INSC: variants seen among roughly 807,000 people sequenced by gnomAD.
INSC encodes the protein protein inscuteable homolog.
INSC carries 67 observed loss-of-function variants against 58.6 expected under a neutral mutation model. That is an observed-to-expected ratio of 1.14 (90% CI 0.94 to 1.40). INSC has a LOEUF of 1.40. INSC is among the 40% of genes most tolerant of loss of function. The probability of loss-of-function intolerance (pLI) is 0.00; values close to 1 mark genes in which losing one functional copy is unlikely to be tolerated. For missense variants in INSC, 714 were observed against 692.0 expected, an observed-to-expected ratio of 1.03 and a Z score of -0.36; for synonymous variants, 262 against 276.1, an observed-to-expected ratio of 0.95 and a Z score of 0.51.
At chr11:15,224,328 G>GTGTT (rs1851550950) in intron 8 of INSC, among the ~76,000 whole-genome samples, 1 of 152,178 alleles carries the variant, frequency 6.6e-6, no homozygotes, top group African/African-American at 2.4e-5. Flanking sequence ...CCCACTGCAG[G>GTGTT]TGTTTGACTA....
chr11:15,145,087 G>A (rs1848460512), intron 1 of INSC, among the ~76,000 whole-genome samples: 2 of 152,178 alleles, frequency 1.3e-5, no homozygotes. Context: ...CCTGGGAAAA[G>A]CAGCAACTCT....
At chr11:15,133,968 A>C (rs754591829) in intron 1 of INSC, among the ~76,000 whole-genome samples, 1 of 152,168 alleles carries the variant, frequency 6.6e-6, no homozygotes. Context: ...TTAATTGTCA[A>C]TTAAAAAGCA....
rs199756406 is a variant in INSC, at chr11:15,176,062, G to A, written c.378G>A (p.Arg126=). 2 of 1,536,544 alleles carry A rather than the reference G, an allele frequency of 1.3e-6. No homozygotes were observed. ...SMVSEYSAVS[R]NSLKEMGEIE... is the part of the protein sequence containing the mutation. ...TCAGCGAGTACAGTGCTGTCAGCAG[G>A]AACTCCTTGAAGGAAATGGGCGAGG... The change falls in exon 3 of 13, where the codon AGG becomes AGA. Residue 126 remains arginine, a synonymous_variant. Transcript: ENST00000379556.
chr11:15,259,480 C>T, the INSC span, among the ~76,000 whole-genome samples: 3,422 of 152,204 alleles, frequency 0.022, 72 homozygotes, highest in Non-Finnish European at 0.035. Flanking sequence ...TCTTTTACTC[C>T]ATACTCTCCT....
At position 15,218,604 on chromosome 11, in the gene INSC, G is replaced by A. The variant is rs79278759; in HGVS notation, c.820-2873G>A. On this transcript the variant is annotated intron_variant, in intron 7 of 12. Transcript: ENST00000379556. ...CATATATATATTTCCCTTTTGAAGG[G>A]ATAATTAATGAGTTACCAAAAGAGA... is the stretch of plus-strand genomic sequence containing the variant. Among the ~76,000 whole-genome samples, 2,421 of 151,924 alleles carry A rather than the reference G, an allele frequency of 0.016. 150 individuals carry two copies. The East Asian group carries it at 0.2, about 12-fold the overall frequency.
Position 15,190,972 on chromosome 11 carries a change from G to A in INSC, c.693+158G>A, listed in dbSNP as rs1850148275. ...TCACTTATCCTATCTGGGACTTGGT[G>A]TGTGCATTTTTTTTTTTTTTTTTTT... On this transcript the variant is annotated intron_variant, in intron 6 of 12. Coordinates refer to ENST00000379556, the MANE Select transcript of INSC (RefSeq NM_001042536.3). 2.7e-5 allele frequency among the ~76,000 whole-genome samples: 4 copies of A among 150,460 alleles called. No individual in the cohort carries two copies. In the South Asian group the frequency reaches 8.4e-4, roughly 32 times the overall value.
At chr11:15,195,294 C>G (rs1850327257) in intron 6 of INSC, among the ~76,000 whole-genome samples, 2 of 152,150 alleles carry the variant, frequency 1.3e-5, no homozygotes, top group Admixed American at 1.3e-4. Flanking sequence ...TCTTTTGGAA[C>G]AATTACCATT....
intron 1 of INSC, among the ~76,000 whole-genome samples, chr11:15,146,660 G>A (rs944526090): frequency 6.6e-6 from 1 of 152,200 alleles, no homozygotes; most frequent in Non-Finnish European, 1.5e-5. Context: ...AAAAGAAGTC[G>A]ATTGTTTTGC....
At chr11:15,218,967 C>T (rs954690134) in intron 7 of INSC, among the ~76,000 whole-genome samples, 1 of 152,174 alleles carries the variant, frequency 6.6e-6, no homozygotes, top group Non-Finnish European at 1.5e-5. Flanking sequence ...CTACTACATG[C>T]CAGACCTTGA....
chr11:15,143,095 A>G (rs998079389), intron 1 of INSC, among the ~76,000 whole-genome samples: 8 of 152,196 alleles, frequency 5.3e-5, no homozygotes, highest in Non-Finnish European at 1.2e-4. Flanking sequence ...TATTATGCAC[A>G]AGCCTATGTC....
Position 15,240,516 on chromosome 11 carries a change from C to T in INSC, c.1463C>T (p.Ala488Val). ...AACAGCAGTGACGCCGTGCTTGTGG[C>T]CTGCCTGGTGAGTTCTCAGTCTTCC... ...ERNSSDAVLV[A>V]CLAALRRLAG... Residue 488 changes from alanine to valine, a missense_variant, in exon 12 of 13, where the codon GCC (alanine) becomes GTC (valine). Transcript: ENST00000379556. The T allele has an allele frequency of 6.2e-7, 1 of 1,613,166 alleles. No individual in the cohort carries two copies. The highest frequency in any genetic ancestry group is 8.5e-7 in the Non-Finnish European group (1 of 1,179,600).
Position 15,175,859 on chromosome 11 carries a change from C to T in INSC, c.175C>T (p.Gln59Ter), listed in dbSNP as rs1849553360. 6.2e-7 allele frequency: 1 copy of T among 1,614,022 alleles called. No individual in the cohort carries two copies. The highest frequency in any genetic ancestry group is 1.3e-5 in the African/African-American group (1 of 75,056). Reference sequence around the variant, plus strand: ...GCCCATCAGCCTGGAAGAGGATGCACAGGGTGACCTCATCCTGGCAGGTGG... The same window carrying T: ...GCCCATCAGCCTGGAAGAGGATGCATAGGGTGACCTCATCCTGGCAGGTGG... Reference protein sequence around the residue: ...AKPISLEEDAQGDLILAGGPG... With the variant: ...AKPISLEEDA Residue 59 changes from glutamine (Q) to a stop codon, truncating the protein, a stop_gained, in exon 3 of 13, where the codon CAG becomes TAG. Coordinates refer to ENST00000379556, the MANE Select transcript of INSC (RefSeq NM_001042536.3). LOFTEE classifies it high-confidence loss of function.
chr11:15,154,182 G>A (rs1355253180), intron 2 of INSC, among the ~76,000 whole-genome samples: 1 of 152,194 alleles, frequency 6.6e-6, no homozygotes, highest in Non-Finnish European at 1.5e-5. Context: ...TCCTGACTAT[G>A]ATAAAATGCA....
the INSC span, among the ~76,000 whole-genome samples, chr11:15,265,237 G>A: frequency 6.6e-6 from 1 of 152,068 alleles, no homozygotes; most frequent in Non-Finnish European, 1.5e-5. Flanking sequence ...GACTTATTGC[G>A]AAGAATGTAC....
At position 15,186,477 on chromosome 11, in the gene INSC, C is replaced by G. The variant is rs928230717; in HGVS notation, c.580-4224C>G. On this transcript the variant is annotated intron_variant, in intron 5 of 12. Transcript: ENST00000379556. The stretch of plus-strand genomic sequence containing the variant: ...TCTTTTGTTTTTCCAACAAACTAAT[C>G]TAGATGTTGGGATTTCCCTGATTGA... 2.0e-5 allele frequency among the ~76,000 whole-genome samples: 3 copies of G among 152,236 alleles called. No individual in the cohort carries two copies. In the South Asian group the frequency reaches 6.2e-4, roughly 32 times the overall value.
intron 1 of INSC, among the ~76,000 whole-genome samples, chr11:15,117,320 A>G (rs992246695): frequency 1.3e-5 from 2 of 152,136 alleles, no homozygotes; most frequent in African/African-American, 4.8e-5. Flanking sequence ...TCTAATATGC[A>G]GGAGAGCAAG....
chr11:15,174,095 T>G (rs1849493924), intron 2 of INSC, among the ~76,000 whole-genome samples: 1 of 151,110 alleles, frequency 6.6e-6, no homozygotes. Context: ...TCAACTCATC[T>G]TCCACCTTGG....
At chr11:15,196,906 C>G (rs915910210) in intron 6 of INSC, among the ~76,000 whole-genome samples, 15 of 152,126 alleles carry the variant, frequency 9.9e-5, no homozygotes, top group Admixed American at 7.9e-4. Context: ...GCAGCAAAGG[C>G]TACGTGCCTG....
intron 1 of INSC, among the ~76,000 whole-genome samples, chr11:15,144,674 A>T (rs1191259760): frequency 6.6e-6 from 1 of 152,218 alleles, no homozygotes; most frequent in Non-Finnish European, 1.5e-5. Context: ...TTGGAGCTGT[A>T]CCTGGATTGG....
Sources: allele counts gnomAD v4.1 joint callset (sites outside exome capture counted in the v4.1 genomes callset), GRCh38; gene constraint gnomAD v4.1.1; transcripts MANE v1.5; gene names NCBI Gene and HGNC (gene_info 2026-07-23, HGNC 2026-07-21).